Variants in ROBO2 observed in about 807,000 individuals in gnomAD.
ROBO2 encodes the protein roundabout guidance receptor 2.
Under a neutral mutation model 160.8 loss-of-function variants are expected in ROBO2, and 53 were observed. The ratio of observed to expected loss-of-function variants is 0.33; its 90% CI spans 0.26 to 0.41. The LOEUF (loss-of-function observed/expected upper bound fraction) is 0.41. Among genes scored for constraint, ROBO2 ranks in the 10% least tolerant of loss-of-function variants. The pLI, the probability that ROBO2 is intolerant of heterozygous loss-of-function variation, is 1.00. For synonymous variants in ROBO2, 664 were observed against 611.7 expected (o/e 1.09, Z -1.26); for missense variants, 1,577 against 1,722.4 (o/e 0.92, Z 1.49).
At chr3:77,204,069 T>C (rs2083180451) in intron 2 of ROBO2, among the ~76,000 whole-genome samples, 1 of 152,192 alleles carries the variant, frequency 6.6e-6, no homozygotes, top group African/African-American at 2.4e-5. Flanking sequence ...TGCTTTATAG[T>C]AGAAAGTAAA....
rs140480505 is a variant in ROBO2 at position 75,982,401 on chromosome 3, A to C, written c.109+44799A>C. Among the ~76,000 whole-genome samples the C allele has an allele frequency of 4.6e-5, 7 of 151,476 alleles. No homozygotes were observed. The East Asian group carries it at 1.4e-3, about 29-fold the overall frequency. On this transcript the variant is annotated intron_variant, in intron 2 of 26. Coordinates refer to the ROBO2 transcript ENST00000487694. ...TTACATTCCCGCCAACAGTGTACAA[A>C]TGTTTCCTTTTTTCCACATCCTTCT...
At chr3:77,245,603 A>G (rs968627803) in intron 2 of ROBO2, among the ~76,000 whole-genome samples, 1 of 152,134 alleles carries the variant, frequency 6.6e-6, no homozygotes, top group Non-Finnish European at 1.5e-5. Context: ...ATTTAGCTCA[A>G]CTCTCCAAAG....
chr3:76,904,317 T>C (rs1417996686), intron 2 of ROBO2, among the ~76,000 whole-genome samples: 1 of 152,154 alleles, frequency 6.6e-6, no homozygotes, highest in African/African-American at 2.4e-5. Context: ...CAACAACATG[T>C]GTGGTTTATA....
chr3:77,150,865 A>T (rs761857354), intron 2 of ROBO2, among the ~76,000 whole-genome samples: 10 of 152,184 alleles, frequency 6.6e-5, no homozygotes, highest in Admixed American at 1.3e-4. Context: ...GTTATAGGGA[A>T]GGAAAATTAT....
intron 2 of ROBO2, among the ~76,000 whole-genome samples, chr3:77,156,785 T>C (rs1234282159): frequency 6.6e-6 from 1 of 150,516 alleles, no homozygotes; most frequent in Non-Finnish European, 1.5e-5. Flanking sequence ...TATAAAAATA[T>C]TCATTAGAAT....
chr3:76,989,661 C>T (rs2060563223), intron 2 of ROBO2, among the ~76,000 whole-genome samples: 1 of 152,042 alleles, frequency 6.6e-6, no homozygotes, highest in Non-Finnish European at 1.5e-5. Context: ...AGAAGGTTTT[C>T]TCCTATGTGC....
intron 2 of ROBO2, among the ~76,000 whole-genome samples, chr3:77,370,899 A>G (rs190024595): frequency 6.6e-6 from 1 of 152,100 alleles, no homozygotes; most frequent in African/African-American, 2.4e-5. Flanking sequence ...ACTTTTACAG[A>G]TCTCTGCCCT....
At chr3:77,302,690 G>A (rs925594744) in intron 2 of ROBO2, among the ~76,000 whole-genome samples, 1 of 152,012 alleles carries the variant, frequency 6.6e-6, no homozygotes, top group African/African-American at 2.4e-5. Flanking sequence ...GTAATTTCAG[G>A]TATCTATTGG....
At chr3:77,252,807 C>CAAA (rs1182786373) in intron 2 of ROBO2, among the ~76,000 whole-genome samples, 5 of 32,052 alleles carry the variant, frequency 1.6e-4, no homozygotes, top group East Asian at 5.8e-4. Context: ...GACTCCATCT[C>CAAA]AAAAAAAAAA....
intron 2 of ROBO2, among the ~76,000 whole-genome samples, chr3:76,752,329 C>T (rs181846543): frequency 1.3e-5 from 2 of 151,704 alleles, no homozygotes; most frequent in Admixed American, 1.3e-4. Context: ...AGGAGATATA[C>T]CTAATGTTAA....
intron 1 of ROBO2, among the ~76,000 whole-genome samples, chr3:77,059,695 A>T (rs1301614337): frequency 6.6e-6 from 1 of 152,076 alleles, no homozygotes; most frequent in Non-Finnish European, 1.5e-5. Flanking sequence ...TCTCCTTTTG[A>T]TCAGCCTCTC....
chr3:76,480,758 A>T (rs925804709), intron 2 of ROBO2, among the ~76,000 whole-genome samples: 4 of 152,138 alleles, frequency 2.6e-5, no homozygotes, highest in Non-Finnish European at 5.9e-5. Context: ...GAAGGTTAGA[A>T]TTTGGGCATA....
intron 2 of ROBO2, among the ~76,000 whole-genome samples, chr3:76,627,419 T>G (rs1481627352): frequency 6.6e-6 from 1 of 152,178 alleles, no homozygotes; most frequent in African/African-American, 2.4e-5. Context: ...AAGATAACTG[T>G]TTAGCTGTGC....
chr3:76,186,153 A>C (rs1701753573), intron 2 of ROBO2, among the ~76,000 whole-genome samples: 1 of 151,808 alleles, frequency 6.6e-6, no homozygotes, highest in South Asian at 2.1e-4. Flanking sequence ...GGCTGGTCTC[A>C]AAATCCTGAG....
At chr3:76,538,884 A>T (rs2082662719) in intron 2 of ROBO2, among the ~76,000 whole-genome samples, 2 of 152,198 alleles carry the variant, frequency 1.3e-5, no homozygotes, top group African/African-American at 4.8e-5. Context: ...TATCTGTAAT[A>T]TATCTAGTGG....
At chr3:76,356,721 A>G (rs1224566413) in intron 2 of ROBO2, among the ~76,000 whole-genome samples, 1 of 151,848 alleles carries the variant, frequency 6.6e-6, no homozygotes, top group African/African-American at 2.4e-5. Context: ...CCGTTTTTGT[A>G]TTTTATAGAA....
chr3:77,552,584 T>G (rs546431168), intron 8 of ROBO2, among the ~76,000 whole-genome samples: 2 of 152,172 alleles, frequency 1.3e-5, no homozygotes, highest in Admixed American at 1.3e-4. Context: ...TGACCAATGT[T>G]AAATCTTCTG....
intron 2 of ROBO2, among the ~76,000 whole-genome samples, chr3:76,973,411 A>G (rs2059664362): frequency 6.6e-6 from 1 of 152,138 alleles, no homozygotes; most frequent in African/African-American, 2.4e-5. Flanking sequence ...GCTTTGATAA[A>G]GGAAATCATT....
chr3:76,301,600 A>T (rs530477028), intron 2 of ROBO2, among the ~76,000 whole-genome samples: 125 of 152,202 alleles, frequency 8.2e-4, no homozygotes, highest in African/African-American at 2.5e-3. Flanking sequence ...CTAATGTAGT[A>T]AGTGTTGTGG....
Sources: gnomAD v4.1 joint callset for allele counts (sites outside exome capture counted in the v4.1 genomes callset) on GRCh38, gnomAD v4.1.1 for gene constraint, MANE v1.5 for transcripts, NCBI Gene and HGNC (gene_info 2026-07-23, HGNC 2026-07-21) for gene names.